The following EIF2AK4 variants were observed in gnomAD, a reference collection of about 807,000 sequenced individuals.
EIF2AK4 encodes eIF-2-alpha kinase GCN2.
Under a neutral mutation model 211.1 loss-of-function variants are expected in EIF2AK4, and 139 were observed. That is an observed-to-expected ratio of 0.66 (90% CI 0.57 to 0.76). The LOEUF (loss-of-function observed/expected upper bound fraction) is 0.76, where lower values mean the gene tolerates loss of function less well. Among genes scored for constraint, EIF2AK4 ranks in the 30% least tolerant of loss-of-function variants. The pLI is 0.00. For synonymous variants in EIF2AK4, 710 were observed against 751.3 expected, an observed-to-expected ratio of 0.94 and a Z score of 0.90; for missense variants, 1,664 against 2,043.8, an observed-to-expected ratio of 0.81 and a Z score of 3.58.
At position 40,027,699 on chromosome 15, in the gene EIF2AK4, G is replaced by A. The variant is rs138025823; in HGVS notation, c.4502+1610G>A. Among the ~76,000 whole-genome samples the A allele has an allele frequency of 2.2e-3, 331 of 152,214 alleles. 3 individuals carry two copies. The highest frequency in any genetic ancestry group is 0.016 in the Admixed American group (249 of 15,288). On this transcript the variant is annotated intron_variant, in intron 33 of 38. Transcript: ENST00000263791. ...AGGTCAGGAGATCGAGATCATCCTG[G>A]CTAACACGGTGAAACCCCGTCTCTA... is the stretch of plus-strand genomic sequence containing the variant.
chr15:39,972,761 C>G (rs752721157), intron 9 of EIF2AK4, 147 bp from the exon 10 acceptor site: 3 of 602,170 alleles, frequency 5.0e-6, no homozygotes, highest in Non-Finnish European at 8.7e-6. Flanking sequence ...AATTTAAATT[C>G]ACCTATGAGA....
intron 4 of EIF2AK4, among the ~76,000 whole-genome samples, chr15:39,953,542 A>G (rs1353534419): frequency 6.6e-6 from 1 of 152,194 alleles, no homozygotes; most frequent in Non-Finnish European, 1.5e-5. Context: ...AGCAGGCACA[A>G]GTGCTTGTTC....
intron 6 of EIF2AK4, among the ~76,000 whole-genome samples, chr15:39,960,902 C>G (rs1222766017): frequency 4.6e-5 from 7 of 152,102 alleles, no homozygotes; most frequent in Admixed American, 4.6e-4. Context: ...CTCGTGTTCT[C>G]AGTGAAAGTA....
chr15:39,982,998 A>G (rs1204774336), intron 13 of EIF2AK4, among the ~76,000 whole-genome samples: 3 of 152,226 alleles, frequency 2.0e-5, no homozygotes, highest in South Asian at 2.1e-4. Context: ...TAGTGCCGCA[A>G]TAAACATACG....
At chr15:39,972,602 G>C (rs2034640436) in intron 9 of EIF2AK4, among the ~76,000 whole-genome samples, 1 of 152,088 alleles carries the variant, frequency 6.6e-6, no homozygotes, top group African/African-American at 2.4e-5. Flanking sequence ...GTTCATCGAG[G>C]TGAAAATTTA....
At chr15:39,954,034 T>C in intron 5 of EIF2AK4, 50 bp downstream of exon 5, 1 of 1,455,036 alleles carries the variant, frequency 6.9e-7, no homozygotes, top group Non-Finnish European at 9.2e-7. Context: ...AAACAAAGTG[T>C]TTTTATTTCC....
chr15:39,946,108 G>C (rs1216625811), intron 3 of EIF2AK4, among the ~76,000 whole-genome samples: 1 of 152,146 alleles, frequency 6.6e-6, no homozygotes, highest in African/African-American at 2.4e-5. Context: ...GAGTAATTTT[G>C]ACTTTCAAGT....
chr15:39,946,670 A>G (rs2140900672), intron 3 of EIF2AK4: 1 of 700,222 alleles, frequency 1.4e-6, no homozygotes, highest in East Asian at 2.7e-5. Context: ...ATTGAATGCT[A>G]CAGAGAAATC....
At chr15:40,007,191 G>T in intron 24 of EIF2AK4, 126 bp downstream of exon 24, 1 of 891,054 alleles carries the variant, frequency 1.1e-6, no homozygotes. Context: ...TCAGAATATT[G>T]AGCTTAGAAT....
At chr15:40,028,310 A>G (rs1255616530) in intron 33 of EIF2AK4, among the ~76,000 whole-genome samples, 1 of 152,144 alleles carries the variant, frequency 6.6e-6, no homozygotes, top group Non-Finnish European at 1.5e-5. Context: ...CCTGGACTCA[A>G]GCAACTCTCC....
At chr15:39,982,709 T>C (rs28696728) in intron 13 of EIF2AK4, among the ~76,000 whole-genome samples, 77,877 of 149,292 alleles carry the variant, frequency 0.52, 20,766 homozygotes, top group Non-Finnish European at 0.6. Flanking sequence ...CCCCACCCCC[T>C]AACAGGCAAG....
chr15:40,006,043 G>A lies in EIF2AK4; in HGVS notation c.3358-973G>A, dbSNP rs149448411. ...GTCACATTCACGTGTCTGAATGACC[G>A]TGCACATCAGGTTGTTTGTATCACC... On this transcript the variant is annotated intron_variant, in intron 23 of 38. Coordinates refer to ENST00000263791, the MANE Select transcript of EIF2AK4 (RefSeq NM_001013703.4). 1.7e-3 allele frequency among the ~76,000 whole-genome samples: 264 copies of A among 152,112 alleles called. 4 individuals are homozygous for A. The highest frequency in any genetic ancestry group is 1.3e-3 in the Non-Finnish European group (91 of 68,008).
At chr15:39,950,499 G>C (rs2034292284) in intron 4 of EIF2AK4, among the ~76,000 whole-genome samples, 1 of 151,486 alleles carries the variant, frequency 6.6e-6, no homozygotes. Flanking sequence ...TCTGAGGCAC[G>C]AGAATTGCTC....
chr15:39,966,393 C>T (rs1363103418), intron 8 of EIF2AK4, among the ~76,000 whole-genome samples: 6 of 149,820 alleles, frequency 4.0e-5, no homozygotes, highest in Non-Finnish European at 5.9e-5. Context: ...TGCTTGAGCC[C>T]GGGAGGCTGA....
Position 39,988,125 on chromosome 15 carries a change from A to G in EIF2AK4, c.2526+20A>G. 4.3e-6 allele frequency: 7 copies of G among 1,612,540 alleles called. No individual in the cohort carries two copies. Among genetic ancestry groups the G allele is most frequent in the South Asian group, 1.1e-5 (1 of 90,740 alleles). On this transcript the variant is annotated intron_variant, in intron 15 of 38. Coordinates refer to ENST00000263791, the MANE Select transcript of EIF2AK4 (RefSeq NM_001013703.4). ...GAGAAAGTAAACTTTACAACATTTC[A>G]TATCTGAAGACTTATGTTTACATAA...
At chr15:40,002,484 C>A (rs980537086) in intron 21 of EIF2AK4, 3 of 458,900 alleles carry the variant, frequency 6.5e-6, no homozygotes, top group Non-Finnish European at 1.2e-5. Context: ...GACTTTGAAC[C>A]CAGGCATCCT....
At chr15:39,943,331 C>G in intron 2 of EIF2AK4, 52 bp from the exon 3 acceptor site, 2 of 1,375,980 alleles carry the variant, frequency 1.5e-6, no homozygotes, top group Non-Finnish European at 2.0e-6. Context: ...TGCAAACAGG[C>G]TATACTTTCT....
chr15:40,000,437 T>C (rs372276211), intron 20 of EIF2AK4, among the ~76,000 whole-genome samples: 1 of 152,220 alleles, frequency 6.6e-6, no homozygotes, highest in African/African-American at 2.4e-5. Context: ...AAGGTTTAGA[T>C]TGCCTTCATA....
intron 11 of EIF2AK4, chr15:39,975,301 G>A (rs1036317278): frequency 1.3e-5 from 2 of 148,380 alleles, no homozygotes; most frequent in Admixed American, 1.3e-4. Context: ...CAAAGTGTGT[G>A]TTCTTGTCAC....
Sources: allele counts gnomAD v4.1 joint callset (sites outside exome capture counted in the v4.1 genomes callset), GRCh38; gene constraint gnomAD v4.1.1; transcripts MANE v1.5; gene names NCBI Gene and HGNC (gene_info 2026-07-23, HGNC 2026-07-21).